The following SNX29 variants were observed in gnomAD, a reference collection of about 807,000 sequenced individuals.
SNX29 encodes the protein sorting nexin-29.
In SNX29, 78 loss-of-function variants were observed where a neutral mutation model predicts 102.1. The observed-to-expected ratio is 0.76, with a 90% CI of 0.64 to 0.92. The LOEUF is 0.92. Ranked by LOEUF, SNX29 falls within the 40% of genes least tolerant of loss-of-function variation. The pLI, the probability that SNX29 is intolerant of heterozygous loss-of-function variation, is 0.00. For missense variants in SNX29, 1,280 were observed against 1,061.7 expected (o/e 1.21, Z -2.86); for synonymous variants, 580 against 414.5 (o/e 1.40, Z -4.85).
At chr16:12,154,322 G>A (rs889870170) in intron 13 of SNX29, among the ~76,000 whole-genome samples, 7 of 150,046 alleles carry the variant, frequency 4.7e-5, no homozygotes, top group Admixed American at 3.3e-4. Flanking sequence ...GGCTTTTCTA[G>A]GGCAGGCTGT....
intron 14 of SNX29, among the ~76,000 whole-genome samples, chr16:12,268,545 G>T (rs1228283994): frequency 6.6e-6 from 1 of 152,146 alleles, no homozygotes; most frequent in Non-Finnish European, 1.5e-5. Flanking sequence ...GGTAACCGGT[G>T]TCTTGTAGAC....
At chr16:12,229,727 T>C (rs2077715483) in intron 14 of SNX29, among the ~76,000 whole-genome samples, 3 of 152,142 alleles carry the variant, frequency 2.0e-5, no homozygotes, top group Non-Finnish European at 2.9e-5. Flanking sequence ...GTTGCTGTTC[T>C]TGGGGTAGTG....
At chr16:12,242,207 T>C (rs1272990616) in intron 14 of SNX29, among the ~76,000 whole-genome samples, 1 of 152,018 alleles carries the variant, frequency 6.6e-6, no homozygotes, top group Non-Finnish European at 1.5e-5. Flanking sequence ...TAATAATTGC[T>C]TGTGAGCGGT....
chr16:12,473,991 T>C (rs911221449), intron 18 of SNX29, among the ~76,000 whole-genome samples: 3 of 152,242 alleles, frequency 2.0e-5, no homozygotes, highest in Non-Finnish European at 2.9e-5. Context: ...ATCAACTTGC[T>C]TTCATTTTAC....
At chr16:12,330,757 C>G (rs1331177383) in intron 15 of SNX29, among the ~76,000 whole-genome samples, 2 of 152,178 alleles carry the variant, frequency 1.3e-5, no homozygotes, top group African/African-American at 4.8e-5. Flanking sequence ...AAAATCACTT[C>G]AGATATTTTT....
chr16:12,085,489 G>A (rs2052126371), intron 11 of SNX29, among the ~76,000 whole-genome samples: 1 of 152,146 alleles, frequency 6.6e-6, no homozygotes, highest in Non-Finnish European at 1.5e-5. Context: ...ACCACACCCA[G>A]CTAATTTTTG....
intron 15 of SNX29, among the ~76,000 whole-genome samples, chr16:12,355,738 T>G (rs184838705): frequency 6.6e-6 from 1 of 150,380 alleles, no homozygotes; most frequent in Non-Finnish European, 1.5e-5. Flanking sequence ...CTGGCCCAAA[T>G]GGGTTGCATG....
At chr16:12,548,668 AGT>A (rs1170913017) in intron 20 of SNX29, among the ~76,000 whole-genome samples, 2 of 152,334 alleles carry the variant, frequency 1.3e-5, no homozygotes, top group African/African-American at 4.8e-5. Context: ...CTCAGCAAGA[AGT>A]GAAGTTTAAA....
At chr16:12,047,023 T>C (rs1006774553) in intron 6 of SNX29, among the ~76,000 whole-genome samples, 9 of 152,178 alleles carry the variant, frequency 5.9e-5, no homozygotes, top group African/African-American at 1.2e-4. Context: ...TTGCGGGGAA[T>C]TGGAGGTGGG....
At chr16:12,037,026 C>T (rs1254114411) in intron 4 of SNX29, among the ~76,000 whole-genome samples, 3 of 152,012 alleles carry the variant, frequency 2.0e-5, no homozygotes, top group Non-Finnish European at 4.4e-5. Context: ...GGTGTCTTTC[C>T]GGGTGGGGTC....
chr16:12,555,124 A>G (rs2078247736), intron 20 of SNX29, among the ~76,000 whole-genome samples: 1 of 118,108 alleles, frequency 8.5e-6, no homozygotes, highest in African/African-American at 2.5e-5. Context: ...GAGTATCAAA[A>G]GGCTTATTCT....
Position 12,298,542 on chromosome 16 carries a change from G to C in SNX29, c.1782+20506G>C, listed in dbSNP as rs116992105. ...GAATGGTAATAGTTCCTACCTCCTA[G>C]TGTTACTGTGAAGAATAAGTTAACA... is the stretch of plus-strand genomic sequence containing the variant. On this transcript the variant is annotated intron_variant, in intron 15 of 20. Transcript: ENST00000566228. 4.4e-3 allele frequency among the ~76,000 whole-genome samples: 672 copies of C among 152,270 alleles called. 1 individual carries two copies. Among genetic ancestry groups the C allele is most frequent in the Non-Finnish European group, 7.5e-3 (507 of 68,010 alleles).
At chr16:12,241,611 G>C (rs1295669530) in intron 14 of SNX29, among the ~76,000 whole-genome samples, 1 of 152,046 alleles carries the variant, frequency 6.6e-6, no homozygotes, top group East Asian at 1.9e-4. Flanking sequence ...ACAGGCACCT[G>C]CCACCACACC....
chr16:12,237,643 G>A (rs1158209316), intron 14 of SNX29, among the ~76,000 whole-genome samples: 1 of 148,662 alleles, frequency 6.7e-6, no homozygotes, highest in East Asian at 2.0e-4. Flanking sequence ...GTGGTGGCAG[G>A]TGCCTGTAAT....
At chr16:12,526,784 C>G (rs1215264702) in intron 20 of SNX29, 1 of 423,368 alleles carries the variant, frequency 2.4e-6, no homozygotes, top group Non-Finnish European at 4.5e-6. Context: ...TGTCCCCCAC[C>G]CCCTGCGGGG....
intron 19 of SNX29, among the ~76,000 whole-genome samples, chr16:12,488,336 G>C (rs75960843): frequency 0.02 from 3,073 of 152,014 alleles, 60 homozygotes; most frequent in East Asian, 0.053. Context: ...ACCTCCACCA[G>C]GAAGTCTTCC....
intron 15 of SNX29, among the ~76,000 whole-genome samples, chr16:12,336,013 T>C (rs1288761995): frequency 6.6e-6 from 1 of 152,154 alleles, no homozygotes; most frequent in East Asian, 1.9e-4. Flanking sequence ...GGGTCTGTGT[T>C]TGTGACAACG....
At chr16:12,170,745 TGA>T (rs1481505966) in intron 13 of SNX29, among the ~76,000 whole-genome samples, 1 of 143,466 alleles carries the variant, frequency 7.0e-6, no homozygotes, top group Non-Finnish European at 1.5e-5. Flanking sequence ...TGTGAGTGAG[TGA>T]GTGTGTGTGT....
At chr16:12,094,072 A>T (rs981645848) in intron 11 of SNX29, among the ~76,000 whole-genome samples, 1 of 152,140 alleles carries the variant, frequency 6.6e-6, no homozygotes, top group African/African-American at 2.4e-5. Flanking sequence ...ATGTATTAGC[A>T]GTGGGAACCT....
Sources: allele counts gnomAD v4.1 joint callset (sites outside exome capture counted in the v4.1 genomes callset), GRCh38; gene constraint gnomAD v4.1.1; transcripts MANE v1.5; gene names NCBI Gene and HGNC (gene_info 2026-07-23, HGNC 2026-07-21).